OIT3: variants seen among roughly 807,000 people sequenced by gnomAD.
OIT3 encodes oncoprotein induced transcript 3, also known as oncoprotein-induced transcript 3 protein.
A neutral mutation model predicts 52.2 loss-of-function variants in OIT3; 41 were observed. The ratio of observed to expected loss-of-function variants is 0.79; its 90% CI spans 0.61 to 1.02. The LOEUF is 1.02. OIT3 is among the 50% of genes least tolerant of loss of function. The probability of loss-of-function intolerance (pLI) is 0.00; values close to 1 mark genes in which losing one functional copy is unlikely to be tolerated. For synonymous variants in OIT3, 244 were observed against 276.9 expected, an observed-to-expected ratio of 0.88 and a Z score of 1.18; for missense variants, 634 against 715.5, an observed-to-expected ratio of 0.89 and a Z score of 1.30.
chr10:72,895,621 G>A (rs1050566139), intron 1 of OIT3, among the ~76,000 whole-genome samples: 2 of 152,182 alleles, frequency 1.3e-5, no homozygotes, highest in Admixed American at 6.5e-5. Context: ...GCACAGGGTC[G>A]AAAAGGGGCT....
At chr10:72,918,706 G>A (rs575044421) in intron 6 of OIT3, among the ~76,000 whole-genome samples, 1 of 152,262 alleles carries the variant, frequency 6.6e-6, no homozygotes, top group Non-Finnish European at 1.5e-5. Context: ...TCAATTTTCT[G>A]CATATGGTTA....
intron 1 of OIT3, among the ~76,000 whole-genome samples, chr10:72,894,590 G>A (rs557386918): frequency 6.6e-6 from 1 of 152,190 alleles, no homozygotes; most frequent in South Asian, 2.1e-4. Flanking sequence ...ATTAAAAATA[G>A]GCTTGTGGCC....
intron 6 of OIT3, among the ~76,000 whole-genome samples, chr10:72,923,825 T>C (rs1243669922): frequency 6.6e-6 from 1 of 152,152 alleles, no homozygotes; most frequent in African/African-American, 2.4e-5. Context: ...CCCCACAGGC[T>C]GGAATGGCTG....
chr10:72,904,200 C>T (rs1280613478), intron 3 of OIT3, among the ~76,000 whole-genome samples: 1 of 152,138 alleles, frequency 6.6e-6, no homozygotes, highest in African/African-American at 2.4e-5. Context: ...GACCCTCTCA[C>T]GCAGACCCCC....
rs527297570 is a variant in OIT3, at chr10:72,917,800, G to C, written c.951+4332G>C. 4.8e-6 allele frequency: 7 copies of C among 1,449,770 alleles called. No homozygotes were observed. In the East Asian group the frequency reaches 1.6e-4, roughly 33 times the overall value. The allele number at this position is 1,449,770 out of a possible 1,614,324, so 89.8% of individuals were successfully genotyped here. A position where few individuals can be genotyped will look rare whatever the true frequency, so the allele number is the denominator to read the frequency against. ...GCTTTAATGTCTTCTACAGAACTAG[G>C]TCCTTTTGGTGTTTTAGGAGTTTTT... On this transcript the variant is annotated intron_variant, in intron 6 of 8. Coordinates refer to ENST00000334011, the MANE Select transcript of OIT3 (RefSeq NM_152635.3).
At chr10:72,924,175 A>T in intron 6 of OIT3, 54 bp from the exon 7 acceptor site, 3 of 1,468,832 alleles carry the variant, frequency 2.0e-6, no homozygotes. Context: ...GGGAAAAAAA[A>T]CTGTAGAAAC....
At chr10:72,895,369 C>T (rs1845866634) in intron 1 of OIT3, among the ~76,000 whole-genome samples, 1 of 152,154 alleles carries the variant, frequency 6.6e-6, no homozygotes, top group South Asian at 2.1e-4. Context: ...CATATACCAT[C>T]GCCCTTCCCA....
At chr10:72,906,808 G>T in intron 4 of OIT3, 90 bp downstream of exon 4, 1 of 1,278,182 alleles carries the variant, frequency 7.8e-7, no homozygotes, top group Non-Finnish European at 1.1e-6. Flanking sequence ...CTTAGTGTCC[G>T]AAGAGAGCAA....
At chr10:72,931,522 G>A (rs185906063) in intron 8 of OIT3, among the ~76,000 whole-genome samples, 5 of 152,218 alleles carry the variant, frequency 3.3e-5, no homozygotes, top group Non-Finnish European at 7.4e-5. Context: ...AGCCAAAACA[G>A]ACAAGGTGTA....
At chr10:72,918,837 T>C (rs1275193269) in intron 6 of OIT3, among the ~76,000 whole-genome samples, 1 of 152,226 alleles carries the variant, frequency 6.6e-6, no homozygotes, top group Non-Finnish European at 1.5e-5. Context: ...GATCTGTGTC[T>C]GTTCTTGTAC....
Position 72,932,262 on chromosome 10 carries a change from A to C in OIT3, c.1468-92A>C, listed in dbSNP as rs544939737. ...TGTCCTTGTTAAGATTACATGACTT[A>C]ATGTTTAGGAACATTTAGTATTGTG... is the stretch of plus-strand genomic sequence containing the variant. On this transcript the variant is annotated intron_variant, in intron 8 of 8. Transcript: ENST00000334011. 3.6e-6 allele frequency: 4 copies of C among 1,122,242 alleles called. No homozygotes were observed. In the African/African-American group the frequency reaches 4.6e-5, roughly 13 times the overall value. The allele number at this position is 1,122,242 out of a possible 1,614,324, so 69.5% of individuals were successfully genotyped here.
chr10:72,898,001 C>T (rs1266617673), intron 1 of OIT3, among the ~76,000 whole-genome samples: 4 of 151,760 alleles, frequency 2.6e-5, no homozygotes, highest in East Asian at 1.9e-4. Context: ...ATACAGTCTC[C>T]GGCCGAGCAC....
chr10:72,931,100 C>CACTT (rs544702107), intron 8 of OIT3, among the ~76,000 whole-genome samples: 2 of 152,082 alleles, frequency 1.3e-5, no homozygotes, highest in Non-Finnish European at 2.9e-5. Context: ...TAAAATACAA[C>CACTT]ACTTACAAGG....
chr10:72,898,878 C>A lies in OIT3; in HGVS notation c.276C>A (p.His92Gln). 1 of 1,614,172 alleles carries A rather than the reference C, an allele frequency of 6.2e-7. No individual in the cohort carries two copies. Among genetic ancestry groups the A allele is most frequent in the Non-Finnish European group, 8.5e-7 (1 of 1,180,018 alleles). The change falls in exon 2 of 9, where the codon CAC becomes CAA. Residue 92 changes from histidine (H) to glutamine (Q), a missense_variant. Coordinates refer to ENST00000334011, the MANE Select transcript of OIT3 (RefSeq NM_152635.3). ...THAPVWLNGS[H>Q]PLEGDGIVQR... The stretch of plus-strand genomic sequence containing the variant: ...CACCTGTCTGGCTCAATGGCAGCCA[C>A]CCCCTAGAAGGCGACGGCATTGTGC...
chr10:72,915,343 A>G (rs1191364440), intron 6 of OIT3, among the ~76,000 whole-genome samples: 1 of 152,218 alleles, frequency 6.6e-6, no homozygotes, highest in African/African-American at 2.4e-5. Context: ...TGTTATTCAC[A>G]GTAGTTATGT....
Position 72,924,494 on chromosome 10 carries a change from C to T in OIT3, c.1217C>T (p.Ala406Val). The part of the protein sequence containing the change: ...DNEFEEPYRE[A>V]LPTLKLRDSL... ...GAGTTTGAAGAGCCTTACCGGGAAG[C>T]TCTGCCCACCCTCAAGCTTCGTGAC... Residue 406 changes from alanine (A) to valine (V), a missense_variant, in exon 7 of 9, where the codon GCT (alanine) becomes GTT (valine). Physicochemically the swap from Ala to Val is moderately conservative, Grantham distance 64. Transcript: ENST00000334011. 6.2e-7 allele frequency: 1 copy of T among 1,614,216 alleles called. No individual in the cohort carries two copies. Among genetic ancestry groups the T allele is most frequent in the Non-Finnish European group, 8.5e-7 (1 of 1,180,034 alleles).
chr10:72,929,995 G>T (rs1212138890), intron 7 of OIT3, among the ~76,000 whole-genome samples: 2 of 152,206 alleles, frequency 1.3e-5, no homozygotes, highest in African/African-American at 4.8e-5. Flanking sequence ...GGAGGTGCAT[G>T]ACTTTTACCC....
chr10:72,931,823 C>T (rs570453720), intron 8 of OIT3, among the ~76,000 whole-genome samples: 1 of 152,318 alleles, frequency 6.6e-6, no homozygotes, highest in African/African-American at 2.4e-5. Flanking sequence ...CTTTTCCACA[C>T]TGCTTGTAAG....
At position 72,907,323 on chromosome 10, in the gene OIT3, C is replaced by G. The variant is rs182431277; in HGVS notation, c.667+605C>G. 3.4e-3 allele frequency among the ~76,000 whole-genome samples: 520 copies of G among 152,066 alleles called. 3 individuals are homozygous for G. The highest frequency in any genetic ancestry group is 0.011 in the African/African-American group (470 of 41,498). On this transcript the variant is annotated intron_variant, in intron 4 of 8. Coordinates refer to ENST00000334011, the MANE Select transcript of OIT3 (RefSeq NM_152635.3). ...TATTTCTCAAACTTTAATGTGCCCACGAATCACTTAGGATCTTGTCAAAAT... is the reference window on the plus strand; with the variant it reads ...TATTTCTCAAACTTTAATGTGCCCAGGAATCACTTAGGATCTTGTCAAAAT...
Sources: gnomAD v4.1 joint callset for allele counts (sites outside exome capture counted in the v4.1 genomes callset) on GRCh38, gnomAD v4.1.1 for gene constraint, MANE v1.5 for transcripts, NCBI Gene and HGNC (gene_info 2026-07-23, HGNC 2026-07-21) for gene names.